ITGB1BP1: variants seen among roughly 807,000 people sequenced by gnomAD.
ITGB1BP1 encodes the protein integrin beta-1-binding protein 1.
A neutral mutation model predicts 28.0 loss-of-function variants in ITGB1BP1; 20 were observed. That is an observed-to-expected ratio of 0.71 (90% confidence interval 0.50 to 1.04). The LOEUF (loss-of-function observed/expected upper bound fraction) is 1.04, where lower values mean the gene tolerates loss of function less well. ITGB1BP1 is among the 50% of genes least tolerant of loss of function. The pLI is 0.00. For missense variants in ITGB1BP1, 228 were observed against 242.5 expected (o/e 0.94, Z 0.40); for synonymous variants, 103 against 89.5 (o/e 1.15, Z -0.85).
chr2:9,419,939 A>C, intron 1 of ITGB1BP1: 1 of 480,502 alleles, frequency 2.1e-6, no homozygotes, highest in Non-Finnish European at 2.7e-6. Flanking sequence ...AACCTGATCA[A>C]TTTTTTACCA....
Position 9,415,919 on chromosome 2 carries a change from C to T in ITGB1BP1, c.73-1663G>A, listed in dbSNP as rs570251727. ...TGGCACATGTGGCACATGGGAGGCC[C>T]GGCAGGCACCCGGGATGAAAGGTCT... On this transcript the variant is annotated intron_variant, in intron 2 of 6. Transcript: ENST00000355346. This position sits in a 1 kb window ranked among gnomAD's most constrained non-coding sequence, Gnocchi z 4.1. Among the ~76,000 whole-genome samples, 5 of 152,304 alleles carry T rather than the reference C, an allele frequency of 3.3e-5. No individual in the cohort carries two copies. Among genetic ancestry groups the T allele is most frequent in the South Asian group, 2.1e-4 (1 of 4,826 alleles).
chr2:9,408,914 G>C (rs1193454028), intron 4 of ITGB1BP1, among the ~76,000 whole-genome samples: 2 of 152,190 alleles, frequency 1.3e-5, no homozygotes, highest in Admixed American at 1.3e-4. Flanking sequence ...ACCTACATGA[G>C]AAAAATGAAG....
intron 4 of ITGB1BP1, among the ~76,000 whole-genome samples, chr2:9,411,526 A>G (rs973433887): frequency 2.6e-5 from 4 of 152,052 alleles, no homozygotes; most frequent in African/African-American, 9.7e-5. Flanking sequence ...ATTCACAACT[A>G]GCCTGGGCAA....
intron 1 of ITGB1BP1, among the ~76,000 whole-genome samples, chr2:9,421,268 G>A (rs1266971964): frequency 1.3e-5 from 2 of 152,130 alleles, no homozygotes; most frequent in Non-Finnish European, 2.9e-5. Flanking sequence ...ATCATGACAC[G>A]ACAATGCCTT....
chr2:9,420,088 A>C (rs1679614572), intron 1 of ITGB1BP1: 1 of 978,996 alleles, frequency 1.0e-6, no homozygotes, highest in South Asian at 4.7e-5. Context: ...TGCTTTTCAG[A>C]GAAACTACGC....
rs1676972343 is a variant in ITGB1BP1 at position 9,404,002 on chromosome 2, G to T, written c.*2832C>A. On this transcript the variant is annotated 3_prime_UTR_variant, in exon 7 of 7. Transcript: ENST00000355346. Reference sequence around the variant, plus strand: ...ACGTAGGGTAACTACAGTTCATTCTGTTCCAGGTTATATAAAACTGCATTT... The same window carrying T: ...ACGTAGGGTAACTACAGTTCATTCTTTTCCAGGTTATATAAAACTGCATTT... The T allele has an allele frequency of 1.3e-5, 2 of 152,186 alleles. No individual in the cohort carries two copies. Among genetic ancestry groups the T allele is most frequent in the South Asian group, 4.1e-4 (2 of 4,828 alleles). 9.4% of individuals were successfully genotyped at this position (152,186 alleles called of 1,614,324 possible). A position where few individuals can be genotyped will look rare whatever the true frequency, so the allele number is the denominator to read the frequency against.
chr2:9,411,297 T>C (rs1025013008), intron 4 of ITGB1BP1, among the ~76,000 whole-genome samples: 10 of 152,222 alleles, frequency 6.6e-5, no homozygotes, highest in African/African-American at 2.4e-4. Context: ...AATTAGATTA[T>C]TGAGAGACAG....
chr2:9,418,587 C>G, intron 2 of ITGB1BP1, 39 bp downstream of exon 2: 1 of 1,370,368 alleles, frequency 7.3e-7, no homozygotes, highest in Non-Finnish European at 1.0e-6. Context: ...ACAAAACTCT[C>G]CCTGCTTTAT....
chr2:9,407,090 CCTT>C, intron 6 of ITGB1BP1, 185 bp from the exon 7 acceptor site: 3 of 614,818 alleles, frequency 4.9e-6, no homozygotes, highest in Non-Finnish European at 5.8e-6. Context: ...TTTCTGCCCT[CCTT>C]CAGAGGAAAG....
chr2:9,407,897 T>TG (rs3841084), intron 5 of ITGB1BP1: 228,044 of 501,938 alleles, frequency 0.45, 54,937 homozygotes, highest in Middle Eastern at 0.58. Flanking sequence ...TGTTTGGGGG[T>TG]GGGGGGGGCA....
At position 9,414,215 on chromosome 2, in the gene ITGB1BP1, A is replaced by G. The variant is rs1179114321; in HGVS notation, c.114T>C (p.Thr38=). The G allele has an allele frequency of 6.2e-7, 1 of 1,614,040 alleles. No individual in the cohort carries two copies. The highest frequency in any genetic ancestry group is 1.1e-5 in the South Asian group (1 of 91,092). The change falls in exon 3 of 7, where the codon ACT becomes ACC. Residue 38 remains threonine, a synonymous_variant. Transcript: ENST00000355346. ...SSLGGLSRSS[T]VASLDTDSTK... ...TGGAATCTGTGTCGAGGCTGGCCAC[A>G]GTGCTGGATCGTGAAAGACCCCCAA...
Position 9,407,695 on chromosome 2 carries a change from C to T in ITGB1BP1, c.382-97G>A, listed in dbSNP as rs1435547267. On this transcript the variant is annotated intron_variant, in intron 5 of 6. Coordinates refer to ENST00000355346, the MANE Select transcript of ITGB1BP1 (RefSeq NM_004763.5). Reference sequence around the variant, plus strand: ...CCAGGCAGAGTGAGGCTTGAAACAGCATATCCATAGGTTTCTCACCCCAAG... The same window carrying T: ...CCAGGCAGAGTGAGGCTTGAAACAGTATATCCATAGGTTTCTCACCCCAAG... 2.2e-6 allele frequency: 3 copies of T among 1,370,432 alleles called. No homozygotes were observed. The Admixed American group carries it at 5.7e-5, about 26-fold the overall frequency. The allele number at this position is 1,370,432 out of a possible 1,614,324, so 84.9% of individuals were successfully genotyped here. A position where few individuals can be genotyped will look rare whatever the true frequency, so the allele number is the denominator to read the frequency against.
At position 9,406,760 on chromosome 2, in the gene ITGB1BP1, CA is replaced by C. The variant is rs1348013009; in HGVS notation, c.*73del. ...GAGCAAGGGATAACTTCATTATTTGCATAACATTTCAGCATTGCAGTTTGAA... is the reference window on the plus strand; with the variant it reads ...GAGCAAGGGATAACTTCATTATTTGCTAACATTTCAGCATTGCAGTTTGAA... On this transcript the variant is annotated 3_prime_UTR_variant, in exon 7 of 7. Transcript: ENST00000355346. 9.3e-6 allele frequency: 9 copies of C among 964,780 alleles called. No homozygotes were observed. The highest frequency in any genetic ancestry group is 1.6e-5 in the African/African-American group (1 of 62,440). 59.8% of individuals were successfully genotyped at this position (964,780 alleles called of 1,614,324 possible). A position where few individuals can be genotyped will look rare whatever the true frequency, so the allele number is the denominator to read the frequency against.
At chr2:9,406,954 G>A (rs762713143) in intron 6 of ITGB1BP1, 49 bp from the exon 7 acceptor site, 89 of 1,426,936 alleles carry the variant, frequency 6.2e-5, no homozygotes, top group Admixed American at 1.5e-4. Context: ...CTGTCTCTTC[G>A]TGAACTTAAT....
rs757272611 is a variant in ITGB1BP1 at position 9,414,273 on chromosome 2, CA to C, written c.73-18del. 1.2e-6 allele frequency: 2 copies of C among 1,608,356 alleles called. No homozygotes were observed. Among genetic ancestry groups the C allele is most frequent in the Admixed American group, 1.7e-5 (1 of 59,868 alleles). ...ATCCACAGACTGAGAAACAGAAAAA[CA>C]AGTAAAAAACCTCCACTGAAGCAGC... On this transcript the variant is annotated intron_variant, in intron 2 of 6. Transcript: ENST00000355346.
chr2:9,420,060 T>C (rs1180499547), intron 1 of ITGB1BP1: 2 of 984,500 alleles, frequency 2.0e-6, no homozygotes. Flanking sequence ...GAGTTTCCTT[T>C]CATTCTGACC....
intron 4 of ITGB1BP1, among the ~76,000 whole-genome samples, chr2:9,409,117 G>A (rs964570890): frequency 4.6e-5 from 7 of 152,164 alleles, no homozygotes; most frequent in Non-Finnish European, 7.3e-5. Flanking sequence ...CTCAGGAACC[G>A]CAGATAATCC....
At chr2:9,409,947 C>CGATT (rs1337960073) in intron 4 of ITGB1BP1, among the ~76,000 whole-genome samples, 4 of 149,484 alleles carry the variant, frequency 2.7e-5, no homozygotes, top group Admixed American at 1.4e-4. Context: ...TGGGTTCAAG[C>CGATT]GATTCTCCTG....
intron 2 of ITGB1BP1, among the ~76,000 whole-genome samples, chr2:9,417,161 C>A (rs951979237): frequency 6.6e-6 from 1 of 152,106 alleles, no homozygotes; most frequent in African/African-American, 2.4e-5. Context: ...CCAGGCGCCC[C>A]CTGCTTTACT....
Sources: gnomAD v4.1 joint callset for allele counts (sites outside exome capture counted in the v4.1 genomes callset) on GRCh38, gnomAD v4.1.1 for gene constraint, Gnocchi (gnomAD v3.1) non-coding constraint, MANE v1.5 for transcripts, NCBI Gene and HGNC (gene_info 2026-07-23, HGNC 2026-07-21) for gene names.